PPL: variants seen among roughly 807,000 people sequenced by gnomAD.
The protein encoded by PPL is 190 kDa paraneoplastic pemphigus antigen.
PPL carries 198 observed loss-of-function variants against 194.4 expected under a neutral mutation model. The ratio of observed to expected loss-of-function variants is 1.02; its 90% CI spans 0.91 to 1.15. The LOEUF (loss-of-function observed/expected upper bound fraction) is 1.15. Ranked by LOEUF, PPL falls within the 50% of genes most tolerant of loss-of-function variation. The pLI, the probability that PPL is intolerant of heterozygous loss-of-function variation, is 0.00. For synonymous variants in PPL, 1,220 were observed against 972.4 expected (o/e 1.25, Z -4.74); for missense variants, 2,885 against 2,294.8 (o/e 1.26, Z -5.25).
At chr16:4,906,446 C>T (rs988865901) in intron 2 of PPL, among the ~76,000 whole-genome samples, 3 of 152,078 alleles carry the variant, frequency 2.0e-5, no homozygotes, top group Non-Finnish European at 4.4e-5. Flanking sequence ...AGGATGGTCT[C>T]GATCTCCTGA....
Position 4,890,832 on chromosome 16 carries a change from C to T in PPL, c.2058G>A (p.Leu686=). 3.8e-6 allele frequency: 6 copies of T among 1,580,526 alleles called. No homozygotes were observed. The highest frequency in any genetic ancestry group is 5.2e-6 in the Non-Finnish European group (6 of 1,163,412). The change falls in exon 17 of 22, where the codon CTG becomes CTA. Residue 686 remains leucine, a synonymous_variant. Coordinates refer to ENST00000345988, the MANE Select transcript of PPL (RefSeq NM_002705.5). ...LQAAKQCSST[L]ASRFQEHCPD... The stretch of plus-strand genomic sequence containing the variant: ...GACAGTGCTCCTGGAAGCGGCTGGC[C>T]AGTGTGCTCGAGCACTGCTTGGCCG...
rs774638220 is a variant in PPL at position 4,884,643 on chromosome 16, G to A, written c.4012C>T (p.Arg1338Trp). Residue 1338 changes from arginine (R) to tryptophan (W), a missense_variant, in exon 22 of 22, where the codon CGG (arginine) becomes TGG (tryptophan). Arg to Trp is a moderately radical substitution (Grantham distance 101). Transcript: ENST00000345988. The surrounding 1 kb of genome is among the most constrained non-coding windows in gnomAD (Gnocchi z 5.7). ...ERASQEEQIARKEEELSRVKE... is the reference protein window; with the variant it reads ...ERASQEEQIAWKEEELSRVKE... Reference sequence around the variant, plus strand: ...ACCCGCGAGAGCTCCTCCTCTTTCCGGGCGATCTGCTCTTCCTGGGAAGCT... The same window carrying A: ...ACCCGCGAGAGCTCCTCCTCTTTCCAGGCGATCTGCTCTTCCTGGGAAGCT... 20 of 1,613,754 alleles carry A rather than the reference G, an allele frequency of 1.2e-5. No individual in the cohort carries two copies. Among genetic ancestry groups the A allele is most frequent in the East Asian group, 2.2e-5 (1 of 44,846 alleles).
Position 4,885,501 on chromosome 16 carries a change from CCTT to C in PPL, c.3151_3153del (p.Lys1051del), listed in dbSNP as rs776937992. On this transcript the variant is annotated inframe_deletion, in exon 22 of 22. Coordinates refer to ENST00000345988, the MANE Select transcript of PPL (RefSeq NM_002705.5). The surrounding 1 kb of genome is among the most constrained non-coding windows in gnomAD (Gnocchi z 6.3). ...AGTTTCACCACCTCTTTCTCTGTGACCTTCTCCTGCGCCCGGCTCTTCTCTTCA... is the reference window on the plus strand; with the variant it reads ...AGTTTCACCACCTCTTTCTCTGTGACCTCCTGCGCCCGGCTCTTCTCTTCA... The C allele has an allele frequency of 3.4e-5, 55 of 1,611,706 alleles. No homozygotes were observed. Among genetic ancestry groups the C allele is most frequent in the Non-Finnish European group, 4.2e-5 (50 of 1,179,998 alleles).
chr16:4,901,344 A>G (rs1375474111), intron 4 of PPL, among the ~76,000 whole-genome samples: 2 of 152,180 alleles, frequency 1.3e-5, no homozygotes, highest in Non-Finnish European at 2.9e-5. Context: ...GAGGACACAG[A>G]GGCTGAGGCT....
At chr16:4,908,873 A>G (rs1031711012) in intron 2 of PPL, among the ~76,000 whole-genome samples, 2 of 152,210 alleles carry the variant, frequency 1.3e-5, no homozygotes, top group African/African-American at 4.8e-5. Flanking sequence ...ATGCTTGTTT[A>G]TCCATCGTGA....
chr16:4,922,789 C>CT (rs2089076695), intron 1 of PPL, among the ~76,000 whole-genome samples: 1 of 17,170 alleles, frequency 5.8e-5, no homozygotes, highest in Non-Finnish European at 6.4e-4. Flanking sequence ...TCACGCTGAT[C>CT]CTGGTGCAAG....
At chr16:4,919,876 C>A (rs1009919545) in intron 1 of PPL, among the ~76,000 whole-genome samples, 5 of 152,114 alleles carry the variant, frequency 3.3e-5, no homozygotes, top group Admixed American at 3.3e-4. Context: ...CTGCAGTGAG[C>A]TGAGTGAGAT....
chr16:4,913,839 G>T (rs2088865681), intron 1 of PPL, among the ~76,000 whole-genome samples: 1 of 152,256 alleles, frequency 6.6e-6, no homozygotes, highest in Non-Finnish European at 1.5e-5. Context: ...GCACGCAGAA[G>T]TTGCCTTCTA....
rs17137447 is a variant in PPL, at chr16:4,932,178, C to A, written c.62+4806G>T. ...AATGTGAGCCCTCTGTGAAACAGGA[C>A]ACTTCCACCTGCATGGCAGGCCCGC... is the stretch of plus-strand genomic sequence containing the variant. On this transcript the variant is annotated intron_variant, in intron 1 of 21. Transcript: ENST00000345988. 2.1e-3 allele frequency among the ~76,000 whole-genome samples: 313 copies of A among 152,178 alleles called. 2 individuals carry two copies. The highest frequency in any genetic ancestry group is 6.9e-3 in the African/African-American group (285 of 41,538).
At chr16:4,891,980 C>A in intron 15 of PPL, 31 bp from the exon 16 acceptor site, 1 of 1,610,328 alleles carries the variant, frequency 6.2e-7, no homozygotes, top group Non-Finnish European at 8.5e-7. Context: ...TCGGGGGATG[C>A]CCACCTGGCC....
In PPL at chr16:4,914,026, G is replaced by A. The variant is rs115995162; in HGVS notation, c.63-3077C>T. 8.0e-3 allele frequency among the ~76,000 whole-genome samples: 1,216 copies of A among 152,324 alleles called. 18 individuals carry two copies. Among genetic ancestry groups the A allele is most frequent in the African/African-American group, 0.028 (1,172 of 41,578 alleles). ...GGGGAACCTCTGGACTGGCTGGGTG[G>A]GGACAGCGGTGGTCACTGAAGGCTT... On this transcript the variant is annotated intron_variant, in intron 1 of 21. Transcript: ENST00000345988.
At chr16:4,923,583 G>T (rs1488365563) in intron 1 of PPL, among the ~76,000 whole-genome samples, 1 of 152,294 alleles carries the variant, frequency 6.6e-6, no homozygotes, top group African/African-American at 2.4e-5. Flanking sequence ...GGCACCAACT[G>T]GCCCATTCTT....
Position 4,892,099 on chromosome 16 carries a change from G to A in PPL, c.1765C>T (p.Arg589Trp), listed in dbSNP as rs1213611836. 3.1e-6 allele frequency: 5 copies of A among 1,613,610 alleles called. No individual in the cohort carries two copies. Among genetic ancestry groups the A allele is most frequent in the Admixed American group, 3.3e-5 (2 of 60,008 alleles). Residue 589 changes from arginine (R) to tryptophan (W), a missense_variant, in exon 15 of 22, where the codon CGG becomes TGG. By Grantham distance (101) the Arg-to-Trp change is moderately radical. Transcript: ENST00000345988. ...TATTTCCGGTTGGTGTCCTCCACCC[G>A]GGTCCTCAGCAGGGGTGTGGTGCCA... ...GSGTTPLLRT[R>W]VEDTNRKYEH...
chr16:4,936,752 C>A (rs536942457), intron 1 of PPL, among the ~76,000 whole-genome samples: 1 of 152,310 alleles, frequency 6.6e-6, no homozygotes, highest in East Asian at 1.9e-4. Context: ...CCGGAGTCCC[C>A]TGTGTTATGC....
chr16:4,930,984 G>C (rs557605621), intron 1 of PPL, among the ~76,000 whole-genome samples: 2 of 152,296 alleles, frequency 1.3e-5, no homozygotes, highest in South Asian at 4.1e-4. Context: ...GGACTGGAGC[G>C]CTGGAGTGGA....
chr16:4,900,453 TTTTA>T (rs552558413), intron 6 of PPL, among the ~76,000 whole-genome samples: 1,743 of 128,690 alleles, frequency 0.014, 135 homozygotes, highest in African/African-American at 0.046. Flanking sequence ...TTTTTTTTTT[TTTTA>T]AAGGCAGGGT....
At chr16:4,903,720 CA>C (rs57261954) in intron 3 of PPL, among the ~76,000 whole-genome samples, 165 bp downstream of exon 3, 1,389 of 129,298 alleles carry the variant, frequency 0.011, 8 homozygotes, top group African/African-American at 0.03. Flanking sequence ...AACTACGTCT[CA>C]AAAAAAAAAA....
At position 4,888,144 on chromosome 16, in the gene PPL, C is replaced by G. The variant is rs990533110; in HGVS notation, c.2472G>C (p.Lys824Asn). 12 of 1,613,920 alleles carry G rather than the reference C, an allele frequency of 7.4e-6. No individual in the cohort carries two copies. Among genetic ancestry groups the G allele is most frequent in the South Asian group, 2.2e-5 (2 of 91,080 alleles). ...LENGRRSHVS[K>N]RARLQSPATK... ...TGGCAGGAGATTGGAGCCTGGCTCTCTTGCTCACGTGGCTTCTCCTTCCAT... is the reference window on the plus strand; with the variant it reads ...TGGCAGGAGATTGGAGCCTGGCTCTGTTGCTCACGTGGCTTCTCCTTCCAT... Residue 824 changes from lysine to asparagine, a missense_variant, in exon 20 of 22, where the codon AAG becomes AAC. Coordinates refer to ENST00000345988, the MANE Select transcript of PPL (RefSeq NM_002705.5).
intron 1 of PPL, among the ~76,000 whole-genome samples, chr16:4,916,059 G>A (rs2088910803): frequency 6.6e-6 from 1 of 152,152 alleles, no homozygotes; most frequent in African/African-American, 2.4e-5. Context: ...AACAAGTGTT[G>A]GCAAAAATGT....
Sources: gnomAD v4.1 joint callset for allele counts (sites outside exome capture counted in the v4.1 genomes callset) on GRCh38, gnomAD v4.1.1 for gene constraint, Gnocchi (gnomAD v3.1) non-coding constraint, MANE v1.5 for transcripts, NCBI Gene and HGNC (gene_info 2026-07-23, HGNC 2026-07-21) for gene names.